Variants in DPYD observed in about 807,000 individuals in gnomAD.
The protein encoded by DPYD is dihydropyrimidine dehydrogenase.
Under a neutral mutation model 116.2 loss-of-function variants are expected in DPYD, and 109 were observed. The ratio of observed to expected loss-of-function variants is 0.94; its 90% CI spans 0.80 to 1.10. The LOEUF (loss-of-function observed/expected upper bound fraction) is 1.10, where lower values mean the gene tolerates loss of function less well. Ranked by LOEUF, DPYD falls within the 50% of genes least tolerant of loss-of-function variation. The pLI is 0.00. For missense variants in DPYD, 1,302 were observed against 1,254.5 expected, an observed-to-expected ratio of 1.04 and a Z score of -0.57; for synonymous variants, 440 against 432.0, an observed-to-expected ratio of 1.02 and a Z score of -0.23.
intron 18 of DPYD, among the ~76,000 whole-genome samples, chr1:97,302,860 T>G (rs1373165711): frequency 6.6e-6 from 1 of 152,048 alleles, no homozygotes; most frequent in Non-Finnish European, 1.5e-5. Flanking sequence ...CTTGATTGCA[T>G]AGTATACTCA....
At chr1:97,433,882 C>A (rs1675316965) in intron 14 of DPYD, among the ~76,000 whole-genome samples, 1 of 152,044 alleles carries the variant, frequency 6.6e-6, no homozygotes. Context: ...TATGTCATTT[C>A]TCATATTGAT....
Position 97,407,402 on chromosome 1 carries a change from C to T in DPYD, c.1906-24941G>A, listed in dbSNP as rs149309527. Among the ~76,000 whole-genome samples, 493 of 152,198 alleles carry T rather than the reference C, an allele frequency of 3.2e-3. 2 individuals are homozygous for T. The highest frequency in any genetic ancestry group is 6.8e-3 in the Middle Eastern group (2 of 294). On this transcript the variant is annotated intron_variant, in intron 14 of 22. Coordinates refer to ENST00000370192, the MANE Select transcript of DPYD (RefSeq NM_000110.4). ...TCTTTGCTCTCATTAACTATGATTG[C>T]ATGTTTAATGCATGTTCAATTAGAT...
chr1:97,144,896 A>G (rs1267181021), intron 20 of DPYD, among the ~76,000 whole-genome samples: 1 of 152,148 alleles, frequency 6.6e-6, no homozygotes, highest in Non-Finnish European at 1.5e-5. Context: ...TTCTCTCACT[A>G]AATCTTGCAA....
intron 3 of DPYD, among the ~76,000 whole-genome samples, chr1:97,778,111 C>A (rs1245478923): frequency 6.9e-6 from 1 of 143,926 alleles, no homozygotes; most frequent in Non-Finnish European, 1.5e-5. Flanking sequence ...TGAGTCAAGG[C>A]TCCGCCACTG....
At chr1:97,825,308 T>C (rs990062817) in intron 3 of DPYD, among the ~76,000 whole-genome samples, 4 of 151,944 alleles carry the variant, frequency 2.6e-5, no homozygotes, top group Non-Finnish European at 5.9e-5. Flanking sequence ...AATCCTCTCT[T>C]TTCTGTTCTA....
intron 16 of DPYD, among the ~76,000 whole-genome samples, chr1:97,357,213 G>C (rs6685859): frequency 0.45 from 67,606 of 151,886 alleles, 16,916 homozygotes; most frequent in Middle Eastern, 0.6. Flanking sequence ...ACAGTTTTTA[G>C]TATATGGGTA....
Position 97,284,676 on chromosome 1 carries a change from A to G in DPYD, c.2299+20583T>C, listed in dbSNP as rs1299762176. ...TTCATTATTCTGCTCCCCCACTCCC[A>G]TCCTGCTACTTCATCATGAATTCAT... is the stretch of plus-strand genomic sequence containing the variant. On this transcript the variant is annotated intron_variant, in intron 18 of 22. Transcript: ENST00000370192. Among the ~76,000 whole-genome samples the G allele has an allele frequency of 2.0e-5, 3 of 152,006 alleles. No individual in the cohort carries two copies. The East Asian group carries it at 5.8e-4, about 29-fold the overall frequency.
chr1:97,719,672 A>G (rs1268931826), intron 5 of DPYD: 1 of 981,870 alleles, frequency 1.0e-6, no homozygotes. Context: ...ATTTAAGTAA[A>G]CCACACACTG....
At chr1:97,889,907 C>T (rs1256551585) in intron 1 of DPYD, among the ~76,000 whole-genome samples, 2 of 151,922 alleles carry the variant, frequency 1.3e-5, no homozygotes, top group Non-Finnish European at 2.9e-5. Flanking sequence ...ATAGTTCTCC[C>T]TCTTCAATGG....
chr1:97,810,122 TAAAAATAC>T (rs1668276221), intron 3 of DPYD, among the ~76,000 whole-genome samples: 1 of 151,304 alleles, frequency 6.6e-6, no homozygotes, highest in Non-Finnish European at 1.5e-5. Flanking sequence ...CCGTCTCTAC[TAAAAATAC>T]AAAAAAATTA....
At chr1:97,920,758 C>G (rs1034701896) in intron 1 of DPYD, 126 bp downstream of exon 1, 2 of 1,361,308 alleles carry the variant, frequency 1.5e-6, no homozygotes, top group East Asian at 5.0e-5. Context: ...AGAGCTCCCA[C>G]GGGGGAAACT....
rs1553233231 is a variant in DPYD, at chr1:97,751,460, GTA to G, written c.234-10983_234-10982del. Among the ~76,000 whole-genome samples the G allele has an allele frequency of 6.6e-3, 141 of 21,264 alleles. 2 individuals are homozygous for G. Among genetic ancestry groups the G allele is most frequent in the African/African-American group, 0.022 (128 of 5,760 alleles). The allele number at this position is 21,264 out of a possible 152,430, so 14.0% of individuals were successfully genotyped here. A position where few individuals can be genotyped will look rare whatever the true frequency, so the allele number is the denominator to read the frequency against. On this transcript the variant is annotated intron_variant, in intron 3 of 22. Coordinates refer to ENST00000370192, the MANE Select transcript of DPYD (RefSeq NM_000110.4). ...TGTGTGTGTGTGTGTGTGTGTGTGT[GTA>G]TATATATATATATATATATATATAT...
chr1:97,461,536 A>T (rs1266735427), intron 13 of DPYD, among the ~76,000 whole-genome samples: 1 of 152,192 alleles, frequency 6.6e-6, no homozygotes, highest in Non-Finnish European at 1.5e-5. Context: ...AAAAATGAGG[A>T]GGATAAAAAG....
At chr1:97,572,066 G>GGATAATTTCTGGT (rs1652938630) in intron 11 of DPYD, among the ~76,000 whole-genome samples, 2 of 151,700 alleles carry the variant, frequency 1.3e-5, no homozygotes, top group African/African-American at 4.8e-5. Flanking sequence ...TCTACAGGCA[G>GGATAATTTCTGGT]TTTATTATTT....
intron 3 of DPYD, among the ~76,000 whole-genome samples, chr1:97,764,304 T>A (rs1332167978): frequency 2.6e-5 from 4 of 152,072 alleles, no homozygotes; most frequent in Non-Finnish European, 4.4e-5. Flanking sequence ...AATTAAAATA[T>A]AGTATAAGGT....
At chr1:97,322,833 G>A (rs1668379155) in intron 16 of DPYD, 1 of 151,908 alleles carries the variant, frequency 6.6e-6, no homozygotes, top group Non-Finnish European at 1.5e-5. Flanking sequence ...TGGGGATTGG[G>A]ACACCATAAA....
chr1:97,148,330 T>C (rs1654786154), intron 20 of DPYD, among the ~76,000 whole-genome samples: 1 of 152,030 alleles, frequency 6.6e-6, no homozygotes, highest in Non-Finnish European at 1.5e-5. Flanking sequence ...CTGATGAAAG[T>C]TCCATACTAT....
intron 13 of DPYD, among the ~76,000 whole-genome samples, chr1:97,504,767 G>A (rs1159262299): frequency 6.6e-6 from 1 of 151,454 alleles, no homozygotes; most frequent in African/African-American, 2.4e-5. Flanking sequence ...GCTGAACAAT[G>A]TATTACATTG....
At chr1:97,673,864 G>T (rs543727346) in intron 8 of DPYD, among the ~76,000 whole-genome samples, 6 of 152,144 alleles carry the variant, frequency 3.9e-5, no homozygotes, top group Non-Finnish European at 5.9e-5. Context: ...AACAAAGATA[G>T]CTCTAGGTCC....
Sources: allele counts gnomAD v4.1 joint callset (sites outside exome capture counted in the v4.1 genomes callset), GRCh38; gene constraint gnomAD v4.1.1; transcripts MANE v1.5; gene names NCBI Gene and HGNC (gene_info 2026-07-23, HGNC 2026-07-21).